The following CCDC180 variants were observed in gnomAD, a reference collection of about 807,000 sequenced individuals.
CCDC180 encodes the protein coiled-coil domain containing 180.
Under a neutral mutation model 209.2 loss-of-function variants are expected in CCDC180, and 154 were observed. That is an observed-to-expected ratio of 0.74 (90% CI 0.65 to 0.84). The LOEUF (loss-of-function observed/expected upper bound fraction) is 0.84, where lower values mean the gene tolerates loss of function less well. Among genes scored for constraint, CCDC180 ranks in the 40% least tolerant of loss-of-function variants. CCDC180 has a pLI of 0.00. For synonymous variants in CCDC180, 778 were observed against 749.1 expected (o/e 1.04, Z -0.63); for missense variants, 1,874 against 1,997.3 (o/e 0.94, Z 1.18).
intron 22 of CCDC180, among the ~76,000 whole-genome samples, chr9:97,351,741 C>T (rs1221926365): frequency 6.6e-6 from 1 of 152,178 alleles, no homozygotes; most frequent in African/African-American, 2.4e-5. Context: ...CAGCCCCCCA[C>T]TACCAGCATC....
chr9:97,342,139 G>A (rs925633698), intron 18 of CCDC180, among the ~76,000 whole-genome samples: 1 of 152,240 alleles, frequency 6.6e-6, no homozygotes, highest in Non-Finnish European at 1.5e-5. Flanking sequence ...CCCGGGTGAG[G>A]CGATGCCCCG....
intron 20 of CCDC180, among the ~76,000 whole-genome samples, chr9:97,348,752 C>T (rs938041548): frequency 6.6e-6 from 1 of 152,208 alleles, no homozygotes; most frequent in African/African-American, 2.4e-5. Flanking sequence ...TCAGACTGCT[C>T]AGTGCTGTAC....
intron 4 of CCDC180, among the ~76,000 whole-genome samples, 184 bp from the exon 5 acceptor site, chr9:97,313,052 C>T (rs534336693): frequency 1.3e-5 from 2 of 152,210 alleles, no homozygotes; most frequent in East Asian, 1.9e-4. Context: ...TCTGAGGCCT[C>T]GGTCCCTCTA....
At chr9:97,313,119 C>G (rs10981557) in intron 4 of CCDC180, 117 bp from the exon 5 acceptor site, 144,507 of 664,584 alleles carry the variant, frequency 0.22, 18,089 homozygotes, top group Middle Eastern at 0.31. Context: ...GCCACCCTGA[C>G]CTGGCTCTGG....
chr9:97,318,621 G>A, intron 10 of CCDC180, 39 bp downstream of exon 10: 1 of 1,603,094 alleles, frequency 6.2e-7, no homozygotes, highest in African/African-American at 1.3e-5. Context: ...GGTGCTTCTT[G>A]GGGTGCAGTG....
At chr9:97,332,371 A>T (rs1369766632) in intron 18 of CCDC180, among the ~76,000 whole-genome samples, 1 of 152,186 alleles carries the variant, frequency 6.6e-6, no homozygotes, top group Non-Finnish European at 1.5e-5. Context: ...TTTATTGCAT[A>T]TAAATTTTAA....
intron 18 of CCDC180, among the ~76,000 whole-genome samples, chr9:97,335,450 T>C (rs575108047): frequency 3.7e-4 from 57 of 152,318 alleles, no homozygotes; most frequent in African/African-American, 1.4e-3. Flanking sequence ...ATCCTTGCGA[T>C]AGTTTGCTCA....
intron 18 of CCDC180, among the ~76,000 whole-genome samples, chr9:97,336,594 C>T (rs1211393070): frequency 7.2e-5 from 11 of 152,240 alleles, no homozygotes; most frequent in East Asian, 1.9e-4. Flanking sequence ...AGTCAGGTAG[C>T]GTGATGCCTC....
chr9:97,354,014 T>C (rs1826495466), intron 22 of CCDC180, among the ~76,000 whole-genome samples: 1 of 134,432 alleles, frequency 7.4e-6, no homozygotes, highest in Non-Finnish European at 1.6e-5. Context: ...TTTTTTTTTT[T>C]TGAGGTAGAA....
At chr9:97,309,374 C>T in intron 2 of CCDC180, 40 bp from the exon 3 acceptor site, 1 of 1,581,910 alleles carries the variant, frequency 6.3e-7, no homozygotes, top group South Asian at 1.2e-5. Context: ...AAGTCAGCAG[C>T]TCTGACCACT....
chr9:97,365,716 G>A lies in CCDC180; in HGVS notation c.4024G>A (p.Glu1342Lys), dbSNP rs745946812. The stretch of plus-strand genomic sequence containing the variant: ...CTTGACCCTCCTCTGGGAGAGCAGT[G>A]AGAACCTGCTGACAGTCGCAGAGGT... ...IILTLLWESS[E>K]NLLTVAEEFY... is the part of the protein sequence containing the mutation. Residue 1342 changes from glutamate (E) to lysine (K), a missense_variant, in exon 30 of 37, where the codon GAG (glutamate) becomes AAG (lysine). By Grantham distance (56) the Glu-to-Lys change is moderately conservative. Coordinates refer to ENST00000529487, the MANE Select transcript of CCDC180 (RefSeq NM_020893.6). 1 of 1,614,102 alleles carries A rather than the reference G, an allele frequency of 6.2e-7. No individual in the cohort carries two copies. The highest frequency in any genetic ancestry group is 1.3e-5 in the African/African-American group (1 of 75,026).
intron 18 of CCDC180, among the ~76,000 whole-genome samples, chr9:97,337,312 G>A (rs1825938722): frequency 1.3e-5 from 2 of 152,178 alleles, no homozygotes; most frequent in African/African-American, 4.8e-5. Context: ...GTCATAAATA[G>A]CTCTTATTAT....
intron 2 of CCDC180, among the ~76,000 whole-genome samples, chr9:97,308,886 G>T (rs1312652392): frequency 6.6e-6 from 1 of 152,152 alleles, no homozygotes; most frequent in African/African-American, 2.4e-5. Flanking sequence ...TTCCCCCAGG[G>T]CCTTTTCCTA....
At chr9:97,332,919 G>T (rs1035877623) in intron 18 of CCDC180, among the ~76,000 whole-genome samples, 4 of 152,144 alleles carry the variant, frequency 2.6e-5, no homozygotes, top group African/African-American at 9.7e-5. Context: ...AATAGGAGTG[G>T]TGCAAGATGG....
intron 36 of CCDC180, chr9:97,376,311 A>G (rs1827257560): frequency 6.3e-6 from 1 of 159,042 alleles, no homozygotes; most frequent in Non-Finnish European, 1.4e-5. Flanking sequence ...GGAGAGGCTG[A>G]AGTGCCCAGG....
upstream of CCDC180, chr9:97,307,519 CAGT>C (rs1015756158): frequency 3.3e-6 from 2 of 607,184 alleles, no homozygotes; most frequent in African/African-American, 3.7e-5. Flanking sequence ...TCTCAGCACA[CAGT>C]AGGCGCCTAA....
At chr9:97,374,491 G>C in intron 34 of CCDC180, 52 bp from the exon 35 acceptor site, 5 of 1,400,224 alleles carry the variant, frequency 3.6e-6, no homozygotes, top group Non-Finnish European at 4.0e-6. Context: ...GAAATCCCTC[G>C]ATCTCAGGCT....
intron 19 of CCDC180, among the ~76,000 whole-genome samples, chr9:97,343,918 G>A (rs1174797407): frequency 6.6e-6 from 1 of 152,064 alleles, no homozygotes; most frequent in Non-Finnish European, 1.5e-5. Flanking sequence ...TAATTCTATA[G>A]ATATACACCA....
At chr9:97,307,448 C>G, upstream of CCDC180, 2 of 594,576 alleles carry the variant, frequency 3.4e-6, no homozygotes, top group Non-Finnish European at 6.3e-6. Context: ...GGGGGACGGC[C>G]AGGGGCTGCT....
Sources: gnomAD v4.1 joint callset for allele counts (sites outside exome capture counted in the v4.1 genomes callset) on GRCh38, gnomAD v4.1.1 for gene constraint, MANE v1.5 for transcripts, NCBI Gene and HGNC (gene_info 2026-07-23, HGNC 2026-07-21) for gene names.